FBN3: variants seen among roughly 807,000 people sequenced by gnomAD.
FBN3 encodes the protein fibrillin 3, also known as fibrillin-3.
FBN3 carries 234 observed loss-of-function variants against 330.1 expected under a neutral mutation model. The observed-to-expected ratio is 0.71, with a 90% CI of 0.64 to 0.79. The LOEUF is 0.79. Among genes scored for constraint, FBN3 ranks in the 30% least tolerant of loss-of-function variants. The pLI, the probability that FBN3 is intolerant of heterozygous loss-of-function variation, is 0.00. For synonymous variants in FBN3, 1,458 were observed against 1,517.3 expected, an observed-to-expected ratio of 0.96 and a Z score of 0.91; for missense variants, 3,606 against 3,886.9, an observed-to-expected ratio of 0.93 and a Z score of 1.92.
intron 48 of FBN3, among the ~76,000 whole-genome samples, chr19:8,091,071 C>T (rs1183547715): frequency 6.6e-6 from 1 of 152,152 alleles, no homozygotes; most frequent in Admixed American, 6.6e-5. Flanking sequence ...TTGCCCCTGA[C>T]CTGTGAGAGA....
In FBN3 at chr19:8,113,058, G is replaced by A. The variant is rs143730766; in HGVS notation, c.3839-959C>T. The stretch of plus-strand genomic sequence containing the variant: ...GACCTTATTTGGAAACAGGGTCTTC[G>A]TAGATGTAACTAAGTTAAGATGAGG... On this transcript the variant is annotated intron_variant, in intron 30 of 63. Transcript: ENST00000600128. Among the ~76,000 whole-genome samples, 59 of 152,302 alleles carry A rather than the reference G, an allele frequency of 3.9e-4. No homozygotes were observed. The East Asian group carries it at 0.011, about 27-fold the overall frequency.
At chr19:8,118,068 T>C (rs1275517637) in intron 26 of FBN3, among the ~76,000 whole-genome samples, 2 of 150,986 alleles carry the variant, frequency 1.3e-5, no homozygotes, top group African/African-American at 2.4e-5. Flanking sequence ...CACACACCCA[T>C]GTGCACACTC....
Position 8,116,819 on chromosome 19 carries a change from G to T in FBN3, c.3587-20C>A. The T allele has an allele frequency of 6.2e-7, 1 of 1,611,746 alleles. No homozygotes were observed. Among genetic ancestry groups the T allele is most frequent in the Non-Finnish European group, 8.5e-7 (1 of 1,178,704 alleles). ...CCACGTCTGGGGGAGCAGGGTTGGG[G>T]ACTGTGCTTAGCTTTGCCCTGATAG... On this transcript the variant is annotated intron_variant, in intron 28 of 63. Transcript: ENST00000600128.
intron 63 of FBN3, among the ~76,000 whole-genome samples, chr19:8,067,286 T>C (rs1279275878): frequency 1.3e-5 from 2 of 151,984 alleles, no homozygotes; most frequent in Non-Finnish European, 2.9e-5. Context: ...CCATCATGCC[T>C]GGCTAATTTT....
Position 8,065,772 on chromosome 19 carries a change from G to A in FBN3, c.*147C>T, listed in dbSNP as rs1193174273. The A allele has an allele frequency of 1.2e-5, 9 of 720,550 alleles. No homozygotes were observed. The East Asian group carries it at 2.0e-4, about 16-fold the overall frequency. The allele number at this position is 720,550 out of a possible 1,614,324, so 44.6% of individuals were successfully genotyped here. A position where few individuals can be genotyped will look rare whatever the true frequency, so the allele number is the denominator to read the frequency against. ...TGGCACAGAGGCCCAGGCAGAGGCC[G>A]GGCTTGCCTGAGGTTGTCGTGTAGC... On this transcript the variant is annotated 3_prime_UTR_variant, in exon 64 of 64. Coordinates refer to ENST00000600128, the MANE Select transcript of FBN3 (RefSeq NM_032447.5).
At chr19:8,142,162 C>T in intron 6 of FBN3, 25 bp from the exon 7 acceptor site, 1 of 1,577,264 alleles carries the variant, frequency 6.3e-7, no homozygotes, top group South Asian at 1.1e-5. Context: ...GATGTGGGTA[C>T]CTGGCTGAGG....
chr19:8,127,738 C>T (rs1385106622), intron 18 of FBN3, among the ~76,000 whole-genome samples: 1 of 152,234 alleles, frequency 6.6e-6, no homozygotes, highest in East Asian at 1.9e-4. Flanking sequence ...CATCCCACCT[C>T]TTTGGGAGGC....
chr19:8,101,087 CTTT>C, intron 40 of FBN3, 115 bp from the exon 41 acceptor site: 1 of 702,940 alleles, frequency 1.4e-6, no homozygotes. Context: ...CCACCTTGAA[CTTT>C]TTTTGCTCTC....
chr19:8,137,764 G>A (rs2083321752), intron 10 of FBN3, among the ~76,000 whole-genome samples: 1 of 152,034 alleles, frequency 6.6e-6, no homozygotes. Context: ...GAGTGGCAGG[G>A]ACTACTGGTG....
chr19:8,091,068 T>A (rs1413540753), intron 48 of FBN3, among the ~76,000 whole-genome samples: 1 of 152,138 alleles, frequency 6.6e-6, no homozygotes, highest in Non-Finnish European at 1.5e-5. Flanking sequence ...TTATTGCCCC[T>A]GACCTGTGAG....
At position 8,094,552 on chromosome 19, in the gene FBN3, G is replaced by A. The variant is rs1171015042; in HGVS notation, c.5799C>T (p.Cys1933=). The change falls in exon 47 of 64, where the codon TGC becomes TGT. Residue 1933 remains cysteine, a synonymous_variant. Coordinates refer to ENST00000600128, the MANE Select transcript of FBN3 (RefSeq NM_032447.5). The part of the protein sequence containing the change: ...DGKNCVDTNE[C]LSLAGTCLPG... The stretch of plus-strand genomic sequence containing the variant: ...GTAGGCAGGTTCCTGCAAGGCTGAG[G>A]CACTCATTGGTGTCTGTGAAAAGGA... 7 of 1,613,542 alleles carry A rather than the reference G, an allele frequency of 4.3e-6. No homozygotes were observed. The Admixed American group carries it at 5.0e-5, about 12-fold the overall frequency.
At position 8,096,597 on chromosome 19, in the gene FBN3, C is replaced by T; in HGVS notation, c.5414-28G>A. ...GGGGGTGCAGAGAGCATGGTGTTCCCAGGGCTCCTACCACAGTGTTTGCCT... is the reference window on the plus strand; with the variant it reads ...GGGGGTGCAGAGAGCATGGTGTTCCTAGGGCTCCTACCACAGTGTTTGCCT... On this transcript the variant is annotated intron_variant, in intron 43 of 63. Coordinates refer to ENST00000600128, the MANE Select transcript of FBN3 (RefSeq NM_032447.5). The surrounding 1 kb of genome is among the most constrained non-coding windows in gnomAD (Gnocchi z 4.6). The T allele has an allele frequency of 6.3e-7, 1 of 1,589,060 alleles. No homozygotes were observed. The highest frequency in any genetic ancestry group is 8.6e-7 in the Non-Finnish European group (1 of 1,167,838).
At position 8,088,312 on chromosome 19, in the gene FBN3, G is replaced by T. The variant is rs1305819242; in HGVS notation, c.6377-133C>A. On this transcript the variant is annotated intron_variant, in intron 51 of 63. Transcript: ENST00000600128. ...AATGCACCTCTAGTCTGGCTATGGG[G>T]CAGGCAAGCGGTATGTGTTTAGTGA... The T allele has an allele frequency of 3.6e-6, 4 of 1,098,116 alleles. No individual in the cohort carries two copies. In the East Asian group the frequency reaches 7.3e-5, roughly 20 times the overall value. The allele number at this position is 1,098,116 out of a possible 1,614,324, so 68.0% of individuals were successfully genotyped here.
intron 63 of FBN3, among the ~76,000 whole-genome samples, chr19:8,070,987 A>G (rs1193952067): frequency 6.7e-6 from 1 of 150,370 alleles, no homozygotes; most frequent in Non-Finnish European, 1.5e-5. Context: ...ACGCCATTGC[A>G]TTCCAGCCTG....
In FBN3 at chr19:8,065,971, G is replaced by T; in HGVS notation, c.8378C>A (p.Pro2793Gln). Residue 2793 changes from proline to glutamine, a missense_variant, in exon 64 of 64, where the codon CCA (proline) becomes CAA (glutamine). Coordinates refer to ENST00000600128, the MANE Select transcript of FBN3 (RefSeq NM_032447.5). ...GPWGVQPEGQ[P>Q]GPWGQALRLK... ...CCTCAAGGCCTGGCCCCATGGCCCTGGCTGCCCCTCTGGCTGGACACCCCA... is the reference window on the plus strand; with the variant it reads ...CCTCAAGGCCTGGCCCCATGGCCCTTGCTGCCCCTCTGGCTGGACACCCCA... 1 of 1,611,056 alleles carries T rather than the reference G, an allele frequency of 6.2e-7. No homozygotes were observed. The highest frequency in any genetic ancestry group is 8.5e-7 in the Non-Finnish European group (1 of 1,178,568).
intron 41 of FBN3, among the ~76,000 whole-genome samples, chr19:8,100,493 A>G (rs930623478): frequency 6.6e-6 from 1 of 151,992 alleles, no homozygotes; most frequent in African/African-American, 2.4e-5. Flanking sequence ...ATGCACCACC[A>G]TGCCCAGCTA....
intron 27 of FBN3, 22 bp downstream of exon 27, chr19:8,117,442 C>T (rs375365468): frequency 1.3e-6 from 2 of 1,559,638 alleles, no homozygotes; most frequent in Non-Finnish European, 1.7e-6. Flanking sequence ...GCCCAGGGGC[C>T]AGCAGGTGGG....
rs34171362 is a variant in FBN3, at chr19:8,089,979, GGAGTCA to G, written c.6185-26_6185-21del. 5,706 of 1,608,008 alleles carry G rather than the reference GGAGTCA, an allele frequency of 3.5e-3. 210 individuals are homozygous for G. The African/African-American group carries it at 0.067, about 19-fold the overall frequency. On this transcript the variant is annotated intron_variant, in intron 49 of 63. Coordinates refer to ENST00000600128, the MANE Select transcript of FBN3 (RefSeq NM_032447.5). ...AGGCAGCTGGACGGAGAGGGGGAGG[GGAGTCA>G]GAGTCAGGGCCTAGGTGCAGCCCCC...
Position 8,125,999 on chromosome 19 carries a change from G to T in FBN3, c.2624C>A (p.Ser875Tyr), listed in dbSNP as rs200783325. 9.9e-6 allele frequency: 16 copies of T among 1,613,948 alleles called. No individual in the cohort carries two copies. In the African/African-American group the frequency reaches 2.0e-4, roughly 20 times the overall value. The change falls in exon 22 of 64, where the codon TCC (serine) becomes TAC (tyrosine). Residue 875 changes from serine to tyrosine, a missense_variant. By Grantham distance (144) the Ser-to-Tyr change is moderately radical. Transcript: ENST00000600128. ...VTCDDVNECE[S>Y]FPGVCPNGRC... is the part of the protein sequence containing the mutation. ...CCCGTTGGGACAGACTCCCGGGAAG[G>T]ACTCACACTCGTTCACATCTGGGTA...
Sources: allele counts gnomAD v4.1 joint callset (sites outside exome capture counted in the v4.1 genomes callset), GRCh38; gene constraint gnomAD v4.1.1; non-coding constraint Gnocchi (gnomAD v3.1); transcripts MANE v1.5; gene names NCBI Gene and HGNC (gene_info 2026-07-23, HGNC 2026-07-21).